The following IGF2R variants were observed in gnomAD, a reference collection of about 807,000 sequenced individuals.
IGF2R encodes the protein cation-independent mannose-6-phosphate receptor.
A neutral mutation model predicts 270.6 loss-of-function variants in IGF2R; 91 were observed. The ratio of observed to expected loss-of-function variants is 0.34; its 90% CI spans 0.28 to 0.40. The LOEUF (loss-of-function observed/expected upper bound fraction) is 0.40. Among genes scored for constraint, IGF2R ranks in the 10% least tolerant of loss-of-function variants. The probability of loss-of-function intolerance (pLI) is 1.00; values close to 1 mark genes in which losing one functional copy is unlikely to be tolerated. For missense variants in IGF2R, 2,805 were observed against 3,188.3 expected, an observed-to-expected ratio of 0.88 and a Z score of 2.90; for synonymous variants, 1,316 against 1,258.9, an observed-to-expected ratio of 1.05 and a Z score of -0.96.
chr6:160,070,728 G>T (rs1350571015), intron 31 of IGF2R, among the ~76,000 whole-genome samples: 1 of 152,188 alleles, frequency 6.6e-6, no homozygotes, highest in Non-Finnish European at 1.5e-5. Context: ...GGCTGAGTTG[G>T]GCATTAACTC....
chr6:160,062,477 T>G (rs1778461676), intron 25 of IGF2R, 55 bp from the exon 26 acceptor site: 1 of 1,406,094 alleles, frequency 7.1e-7, no homozygotes, highest in Middle Eastern at 1.8e-4. Flanking sequence ...CGGCCCCATT[T>G]GATTAATTTT....
rs1778416483 is a variant in IGF2R at position 160,060,588 on chromosome 6, G to A, written c.3133G>A (p.Asp1045Asn). The change falls in exon 23 of 48, where the codon GAT becomes AAT. Residue 1045 changes from aspartate (D) to asparagine (N), a missense_variant. By Grantham distance (23) the Asp-to-Asn change is conservative (BLOSUM62 1). Around this residue, in one of 2 missense-constraint regions of IGF2R, gnomAD observed 1,851 missense variants for 2,207.2 expected, o/e 0.84. Transcript: ENST00000356956. ...AFIVRFVCNDDVYSGPLKFLH... is the reference protein window; with the variant it reads ...AFIVRFVCNDNVYSGPLKFLH... Reference sequence around the variant, plus strand: ...TATCGTCCGCTTTGTTTGCAATGATGATGTTTACTCAGGGCCCCTCAAATT... The same window carrying A: ...TATCGTCCGCTTTGTTTGCAATGATAATGTTTACTCAGGGCCCCTCAAATT... The A allele has an allele frequency of 6.2e-7, 1 of 1,614,262 alleles. No homozygotes were observed. The highest frequency in any genetic ancestry group is 8.5e-7 in the Non-Finnish European group (1 of 1,180,050).
chr6:160,097,817 C>G (rs78625689), intron 45 of IGF2R, among the ~76,000 whole-genome samples: 2,862 of 152,250 alleles, frequency 0.019, 92 homozygotes, highest in African/African-American at 0.065. Flanking sequence ...TCAGCACTCC[C>G]CCTGCCCACC....
In IGF2R at chr6:160,107,113, G is replaced by A. The variant is rs1779638654; in HGVS notation, c.*2029G>A. 1 of 152,064 alleles carries A rather than the reference G, an allele frequency of 6.6e-6. No individual in the cohort carries two copies. Among genetic ancestry groups the A allele is most frequent in the Admixed American group, 6.5e-5 (1 of 15,274 alleles). The allele number at this position is 152,064 out of a possible 1,614,324, so 9.4% of individuals were successfully genotyped here. ...CAATTGGAGTTACCTTTTTAAAAAAGTTATTCTTAAGGACTTTCCAATACC... is the reference window on the plus strand; with the variant it reads ...CAATTGGAGTTACCTTTTTAAAAAAATTATTCTTAAGGACTTTCCAATACC... On this transcript the variant is annotated 3_prime_UTR_variant, in exon 48 of 48. Coordinates refer to ENST00000356956, the MANE Select transcript of IGF2R (RefSeq NM_000876.4).
At chr6:160,078,125 G>A (rs1387679310) in intron 36 of IGF2R, 76 bp from the exon 37 acceptor site, 1 of 1,465,312 alleles carries the variant, frequency 6.8e-7, no homozygotes, top group South Asian at 1.2e-5. Context: ...CACAGCCCCT[G>A]TAGGGACGTG....
At chr6:160,094,223 C>T (rs769413833) in intron 44 of IGF2R, 61 of 332,688 alleles carry the variant, frequency 1.8e-4, no homozygotes, top group Non-Finnish European at 2.7e-4. Context: ...AGTATCCATT[C>T]GCCAGTTCTT....
chr6:160,089,771 G>A (rs752352291), intron 43 of IGF2R, 145 bp from the exon 44 acceptor site: 18 of 505,484 alleles, frequency 3.6e-5, no homozygotes, highest in East Asian at 3.0e-4. Flanking sequence ...GGTCACAGAC[G>A]TGCTGCCCTA....
rs1321743000 is a variant in IGF2R, at chr6:160,109,843, G to C, written c.*4759G>C. The C allele has an allele frequency of 6.6e-6, 1 of 152,206 alleles. No homozygotes were observed. Among genetic ancestry groups the C allele is most frequent in the Non-Finnish European group, 1.5e-5 (1 of 68,038 alleles). The allele number at this position is 152,206 out of a possible 1,614,324, so 9.4% of individuals were successfully genotyped here. On this transcript the variant is annotated 3_prime_UTR_variant, in exon 48 of 48. Coordinates refer to ENST00000356956, the MANE Select transcript of IGF2R (RefSeq NM_000876.4). ...GGACTCAGCTCTTCAGGAACAATTA[G>C]GGAGAGGGCCCTTGGGTCTAACTGC... is the stretch of plus-strand genomic sequence containing the variant.
Position 159,970,573 on chromosome 6 carries a change from A to G in IGF2R, c.149+1178A>G, listed in dbSNP as rs113805341. Among the ~76,000 whole-genome samples the G allele has an allele frequency of 4.5e-3, 681 of 152,278 alleles. 4 individuals are homozygous for G. The highest frequency in any genetic ancestry group is 0.016 in the African/African-American group (650 of 41,540). On this transcript the variant is annotated intron_variant, in intron 1 of 47. Coordinates refer to ENST00000356956, the MANE Select transcript of IGF2R (RefSeq NM_000876.4). The stretch of plus-strand genomic sequence containing the variant: ...CGATAGAAACTCTTTGGAAAGGCCC[A>G]TATTTTTTATGCTCCCTTTTTTGGA...
intron 4 of IGF2R, among the ~76,000 whole-genome samples, chr6:160,018,057 A>G (rs1289115681): frequency 6.6e-6 from 1 of 152,180 alleles, no homozygotes; most frequent in Non-Finnish European, 1.5e-5. Context: ...AAAGATACAG[A>G]TTGGGAGAAT....
chr6:160,009,988 A>AAAG (rs1784308431), intron 3 of IGF2R, among the ~76,000 whole-genome samples: 1 of 152,242 alleles, frequency 6.6e-6, no homozygotes, highest in Admixed American at 6.5e-5. Context: ...TTGAGACCCA[A>AAAG]AAAAGAATCT....
Position 160,090,119 on chromosome 6 carries a change from C to A in IGF2R, c.6655+16C>A. On this transcript the variant is annotated intron_variant, in intron 44 of 47. Coordinates refer to ENST00000356956, the MANE Select transcript of IGF2R (RefSeq NM_000876.4). Reference sequence around the variant, plus strand: ...TACCTTCAAGGTAATCCGTGGCTTCCCACAAAGTTCCACATTTAACTTCCT... The same window carrying A: ...TACCTTCAAGGTAATCCGTGGCTTCACACAAAGTTCCACATTTAACTTCCT... 1.4e-6 allele frequency: 2 copies of A among 1,417,716 alleles called. No homozygotes were observed. The highest frequency in any genetic ancestry group is 1.6e-5 in the South Asian group (1 of 62,442). 87.8% of individuals were successfully genotyped at this position (1,417,716 alleles called of 1,614,324 possible).
At chr6:160,007,855 G>A (rs965093760) in intron 2 of IGF2R, among the ~76,000 whole-genome samples, 1 of 152,132 alleles carries the variant, frequency 6.6e-6, no homozygotes, top group Non-Finnish European at 1.5e-5. Flanking sequence ...CTCTTAAATT[G>A]AATAGGTCAA....
intron 1 of IGF2R, among the ~76,000 whole-genome samples, chr6:159,987,154 T>A (rs1783900188): frequency 6.6e-6 from 1 of 152,224 alleles, no homozygotes; most frequent in South Asian, 2.1e-4. Context: ...TAGAATCCTT[T>A]AGTTTCAAAC....
chr6:159,998,423 G>GT lies in IGF2R; in HGVS notation c.289+7102dup, dbSNP rs1393026900. ...ACCTTGAAAGCCAGGGAGGAGAAGA[G>GT]TTGTTATTTTTTTGTAGGGAGTGGA... On this transcript the variant is annotated intron_variant, in intron 2 of 47. Coordinates refer to ENST00000356956, the MANE Select transcript of IGF2R (RefSeq NM_000876.4). The surrounding 1 kb of genome is among the most constrained non-coding windows in gnomAD (Gnocchi z 4.1). Among the ~76,000 whole-genome samples, 1 of 152,158 alleles carries GT rather than the reference G, an allele frequency of 6.6e-6. No homozygotes were observed. The highest frequency in any genetic ancestry group is 2.1e-4 in the South Asian group (1 of 4,830).
rs1778166437 is a variant in IGF2R, at chr6:160,050,356, T to C, written c.2515-117T>C. 1 of 1,021,776 alleles carries C rather than the reference T, an allele frequency of 9.8e-7. No individual in the cohort carries two copies. The highest frequency in any genetic ancestry group is 1.5e-6 in the Non-Finnish European group (1 of 689,652). 63.3% of individuals were successfully genotyped at this position (1,021,776 alleles called of 1,614,324 possible). On this transcript the variant is annotated intron_variant, in intron 18 of 47. Coordinates refer to ENST00000356956, the MANE Select transcript of IGF2R (RefSeq NM_000876.4). The surrounding 1 kb of genome is among the most constrained non-coding windows in gnomAD (Gnocchi z 4.0). ...AATAAGGGGATTTCCCCAGGAGCAG[T>C]GGTTCTGTATTCAATAATTCATTGT...
intron 2 of IGF2R, among the ~76,000 whole-genome samples, chr6:160,008,274 G>A (rs572587213): frequency 1.3e-5 from 2 of 152,036 alleles, no homozygotes; most frequent in Non-Finnish European, 1.5e-5. Flanking sequence ...TTCCAGTTCC[G>A]TTTTTATTTC....
intron 1 of IGF2R, among the ~76,000 whole-genome samples, chr6:159,983,660 G>A (rs932842630): frequency 2.0e-5 from 3 of 152,152 alleles, no homozygotes; most frequent in African/African-American, 4.8e-5. Flanking sequence ...GCTGCTCCCC[G>A]TTTCCTGCTG....
Position 160,111,480 on chromosome 6 carries a change from T to C in IGF2R, c.*6396T>C, listed in dbSNP as rs2114753554. On this transcript the variant is annotated 3_prime_UTR_variant, in exon 48 of 48. Coordinates refer to ENST00000356956, the MANE Select transcript of IGF2R (RefSeq NM_000876.4). ...TCTGTATTTTATTGTAAGAATACAGTATATAATACATACAACATCGAAAAT... is the reference window on the plus strand; with the variant it reads ...TCTGTATTTTATTGTAAGAATACAGCATATAATACATACAACATCGAAAAT... The C allele has an allele frequency of 6.6e-6, 1 of 152,320 alleles. No individual in the cohort carries two copies. The highest frequency in any genetic ancestry group is 3.4e-3 in the Middle Eastern group (1 of 294). 9.4% of individuals were successfully genotyped at this position (152,320 alleles called of 1,614,324 possible).
Sources: gnomAD v4.1 joint callset for allele counts (sites outside exome capture counted in the v4.1 genomes callset) on GRCh38, gnomAD v4.1.1 for gene constraint, gnomAD v4.1.1 regional missense constraint, Gnocchi (gnomAD v3.1) non-coding constraint, MANE v1.5 for transcripts, NCBI Gene and HGNC (gene_info 2026-07-23, HGNC 2026-07-21) for gene names.